Variants in KCTD16 observed in about 807,000 individuals in gnomAD.
KCTD16 encodes the protein BTB/POZ domain-containing protein KCTD16.
A neutral mutation model predicts 33.2 loss-of-function variants in KCTD16; 13 were observed. That is an observed-to-expected ratio of 0.39 (90% CI 0.25 to 0.62). The LOEUF is 0.62. KCTD16 is among the 20% of genes least tolerant of loss of function. The probability of loss-of-function intolerance (pLI) is 0.50; values close to 1 mark genes in which losing one functional copy is unlikely to be tolerated. For missense variants in KCTD16, 441 were observed against 525.1 expected, an observed-to-expected ratio of 0.84 and a Z score of 1.57; for synonymous variants, 197 against 195.3, an observed-to-expected ratio of 1.01 and a Z score of -0.07.
intron 3 of KCTD16, among the ~76,000 whole-genome samples, chr5:144,453,272 C>T (rs915033091): frequency 2.0e-5 from 3 of 152,060 alleles, no homozygotes; most frequent in Non-Finnish European, 4.4e-5. Flanking sequence ...CTGTGACATC[C>T]CCAACAAGCC....
intron 2 of KCTD16, among the ~76,000 whole-genome samples, chr5:144,196,205 G>A (rs1752936083): frequency 1.3e-5 from 2 of 152,142 alleles, no homozygotes; most frequent in Admixed American, 1.3e-4. Context: ...CTCTAGGGAA[G>A]GACTCTATGT....
chr5:144,295,420 G>A (rs1251345014), intron 3 of KCTD16, among the ~76,000 whole-genome samples: 2 of 152,202 alleles, frequency 1.3e-5, no homozygotes, highest in African/African-American at 4.8e-5. Context: ...AAAGCAGAAT[G>A]AGAAAGCAGA....
At chr5:144,388,676 G>T (rs1053808061) in intron 3 of KCTD16, among the ~76,000 whole-genome samples, 2 of 152,178 alleles carry the variant, frequency 1.3e-5, no homozygotes, top group Non-Finnish European at 2.9e-5. Context: ...GGGATAGAAA[G>T]AAGTTGTTTT....
At chr5:144,388,245 AT>A (rs560711475) in intron 3 of KCTD16, among the ~76,000 whole-genome samples, 2 of 149,040 alleles carry the variant, frequency 1.3e-5, no homozygotes, top group South Asian at 2.1e-4. Context: ...ACGCCCAGCT[AT>A]TTTTTTTTGT....
intron 3 of KCTD16, among the ~76,000 whole-genome samples, chr5:144,439,792 G>C (rs1412022422): frequency 6.6e-6 from 1 of 152,196 alleles, no homozygotes; most frequent in South Asian, 2.1e-4. Flanking sequence ...GGCTGTTACA[G>C]GTATCGTGTA....
intron 3 of KCTD16, among the ~76,000 whole-genome samples, chr5:144,444,959 T>C (rs1387068924): frequency 6.7e-6 from 1 of 149,636 alleles, no homozygotes; most frequent in Non-Finnish European, 1.5e-5. Context: ...GTATTTATAA[T>C]AGTGTTATAT....
intron 3 of KCTD16, among the ~76,000 whole-genome samples, chr5:144,331,972 T>C (rs1752373783): frequency 6.6e-6 from 1 of 152,210 alleles, no homozygotes; most frequent in African/African-American, 2.4e-5. Flanking sequence ...TGACCATTGA[T>C]ATTATAGAAA....
At chr5:144,245,142 T>C (rs2126825299) in intron 3 of KCTD16, among the ~76,000 whole-genome samples, 1 of 152,338 alleles carries the variant, frequency 6.6e-6, no homozygotes, top group South Asian at 2.1e-4. Flanking sequence ...ATGGACCTGC[T>C]ATTGTGCTGG....
At chr5:144,425,724 T>G (rs1753313560) in intron 3 of KCTD16, among the ~76,000 whole-genome samples, 1 of 152,032 alleles carries the variant, frequency 6.6e-6, no homozygotes, top group Non-Finnish European at 1.5e-5. Context: ...AAAGAAGCAC[T>G]GTGCTGGAAT....
At chr5:144,281,287 TTA>T (rs1448045511) in intron 3 of KCTD16, among the ~76,000 whole-genome samples, 1 of 152,238 alleles carries the variant, frequency 6.6e-6, no homozygotes, top group Non-Finnish European at 1.5e-5. Flanking sequence ...GAAACTTCAG[TTA>T]TAGATTTGAG....
intron 3 of KCTD16, among the ~76,000 whole-genome samples, chr5:144,367,566 G>A (rs928985245): frequency 1.3e-5 from 2 of 152,086 alleles, no homozygotes; most frequent in Non-Finnish European, 2.9e-5. Flanking sequence ...GAGTAAGATT[G>A]TGTGTCCCCA....
chr5:144,471,987 T>G (rs1225077597), intron 3 of KCTD16, among the ~76,000 whole-genome samples: 1 of 152,218 alleles, frequency 6.6e-6, no homozygotes, highest in Non-Finnish European at 1.5e-5. Context: ...TCATTTAATA[T>G]GTAAAGAACA....
chr5:144,230,138 C>T (rs1442162462), intron 3 of KCTD16, among the ~76,000 whole-genome samples: 2 of 152,070 alleles, frequency 1.3e-5, no homozygotes, highest in South Asian at 2.1e-4. Flanking sequence ...CAAGACTCTG[C>T]TTCAAAAAAC....
At chr5:144,277,324 G>C (rs1296879726) in intron 3 of KCTD16, among the ~76,000 whole-genome samples, 1 of 152,192 alleles carries the variant, frequency 6.6e-6, no homozygotes, top group African/African-American at 2.4e-5. Flanking sequence ...ATGGTGATGA[G>C]ACTGCTCCAT....
intron 3 of KCTD16, among the ~76,000 whole-genome samples, chr5:144,286,486 T>A (rs1264306244): frequency 6.6e-6 from 1 of 152,210 alleles, no homozygotes; most frequent in Non-Finnish European, 1.5e-5. Flanking sequence ...TAAATTGAGC[T>A]GCACTACTTA....
At chr5:144,259,601 G>A (rs1208776329) in intron 3 of KCTD16, among the ~76,000 whole-genome samples, 3 of 152,126 alleles carry the variant, frequency 2.0e-5, no homozygotes, top group African/African-American at 4.8e-5. Flanking sequence ...CCATTTGTTT[G>A]GATTCATCCT....
Position 144,474,075 on chromosome 5 carries a change from T to A in KCTD16, c.1248T>A (p.His416Gln). 1 of 1,612,704 alleles carries A rather than the reference T, an allele frequency of 6.2e-7. No individual in the cohort carries two copies. The highest frequency in any genetic ancestry group is 8.5e-7 in the Non-Finnish European group (1 of 1,179,542). The change falls in exon 4 of 4, where the codon CAT (histidine) becomes CAA (glutamine). Residue 416 changes from histidine (H) to glutamine (Q), a missense_variant. This residue lies in a region of KCTD16 where 355 missense variants were observed against 413.0 expected (regional missense o/e 0.86). Transcript: ENST00000512467. ...CAGATCGGTTTCCTGAGAGAAAACATCCTTGGCAATCTGAACTTTTAAGGA... is the reference window on the plus strand; with the variant it reads ...CAGATCGGTTTCCTGAGAGAAAACAACCTTGGCAATCTGAACTTTTAAGGA... ...KIPDRFPERKHPWQSELLRKY... is the reference protein window; with the variant it reads ...KIPDRFPERKQPWQSELLRKY...
At chr5:144,349,587 G>A (rs534387839) in intron 3 of KCTD16, among the ~76,000 whole-genome samples, 55 of 152,010 alleles carry the variant, frequency 3.6e-4, no homozygotes, top group Non-Finnish European at 6.3e-4. Context: ...GGATCTTCTC[G>A]CCTCTTTGAA....
chr5:144,373,507 T>C (rs371774522), intron 3 of KCTD16, among the ~76,000 whole-genome samples: 38 of 152,328 alleles, frequency 2.5e-4, no homozygotes, highest in African/African-American at 8.4e-4. Context: ...GGCCATCCTG[T>C]AATCCCACTA....
Sources: allele counts gnomAD v4.1 joint callset (sites outside exome capture counted in the v4.1 genomes callset), GRCh38; gene constraint gnomAD v4.1.1; regional missense constraint gnomAD v4.1.1; transcripts MANE v1.5; gene names NCBI Gene and HGNC (gene_info 2026-07-23, HGNC 2026-07-21).